C3orf49: variants seen among roughly 807,000 people sequenced by gnomAD.
C3orf49 encodes the protein putative uncharacterized protein C3orf49.
In C3orf49, 27 loss-of-function variants were observed where a neutral mutation model predicts 13.3. The observed-to-expected ratio is 2.02, with a 90% CI of 1.49 to 2.79. C3orf49 has a LOEUF of 2.79. C3orf49 is among the 30% of genes most tolerant of loss of function. C3orf49 has a pLI of 0.00. For synonymous variants in C3orf49, 87 were observed against 47.6 expected (o/e 1.83, Z -3.40); for missense variants, 242 against 134.2 (o/e 1.80, Z -3.97).
the C3orf49 span, among the ~76,000 whole-genome samples, chr3:63,797,721 G>A: frequency 6.6e-6 from 1 of 152,112 alleles, no homozygotes; most frequent in Non-Finnish European, 1.5e-5. Context: ...AGGCGTCCAA[G>A]AAAAGTTTTG....
Position 63,819,431 on chromosome 3 carries a change from A to G in C3orf49, c.-41A>G, listed in dbSNP as rs1701367007. 1.4e-6 allele frequency: 1 copy of G among 699,534 alleles called. No individual in the cohort carries two copies. The highest frequency in any genetic ancestry group is 1.5e-5 in the South Asian group (1 of 67,162). The allele number at this position is 699,534 out of a possible 1,614,324, so 43.3% of individuals were successfully genotyped here. A position where few individuals can be genotyped will look rare whatever the true frequency, so the allele number is the denominator to read the frequency against. On this transcript the variant is annotated 5_prime_UTR_variant, in exon 1 of 7. Transcript: ENST00000295896. ...ATTGAAGTCTGTAAGTTCAAGAACT[A>G]AAACAATCCAAAACGGCTACTACAG...
At chr3:63,843,457 G>A (rs1044005489) in intron 5 of C3orf49, among the ~76,000 whole-genome samples, 1 of 152,120 alleles carries the variant, frequency 6.6e-6, no homozygotes, top group African/African-American at 2.4e-5. Context: ...ACTACCATAT[G>A]ATCCAGCAAT....
At chr3:63,845,348 G>A (rs549779182) in intron 6 of C3orf49, among the ~76,000 whole-genome samples, 8 of 152,086 alleles carry the variant, frequency 5.3e-5, no homozygotes, top group Non-Finnish European at 8.8e-5. Flanking sequence ...ACATTGTTTC[G>A]GCTCCCACTC....
chr3:63,806,257 C>A, the C3orf49 span, among the ~76,000 whole-genome samples: 1 of 152,218 alleles, frequency 6.6e-6, no homozygotes, highest in Non-Finnish European at 1.5e-5. Flanking sequence ...CTGGTTGCCC[C>A]TGGCGCTAAC....
the C3orf49 span, among the ~76,000 whole-genome samples, chr3:63,808,965 T>TC: frequency 0.022 from 3,199 of 148,736 alleles, 64 homozygotes; most frequent in South Asian, 0.078. Context: ...ATTAATGTGC[T>TC]TTTTTTTTTC....
rs947463442 is a variant in C3orf49, at chr3:63,823,203, T to C, written c.126-47T>C. On this transcript the variant is annotated intron_variant, in intron 1 of 6. Coordinates refer to ENST00000295896, the MANE Select transcript of C3orf49 (RefSeq NM_001355236.2). The stretch of plus-strand genomic sequence containing the variant: ...GTTTTAATGATTTAAATTTTTCACT[T>C]TTAACTTTTCAGTTTCCCTAATATG... The C allele has an allele frequency of 2.3e-5, 14 of 618,334 alleles. No individual in the cohort carries two copies. In the African/African-American group the frequency reaches 2.6e-4, roughly 11 times the overall value. 38.3% of individuals were successfully genotyped at this position (618,334 alleles called of 1,614,324 possible).
chr3:63,830,706 G>T (rs888857227), intron 3 of C3orf49, among the ~76,000 whole-genome samples: 1 of 152,160 alleles, frequency 6.6e-6, no homozygotes, highest in African/African-American at 2.4e-5. Context: ...AAGGAAACCT[G>T]CAGAAACGAG....
rs1345835053 is a variant in C3orf49 at position 63,831,736 on chromosome 3, A to ATT, written c.741_742insTT (p.His248PhefsTer30). The ATT allele has an allele frequency of 5.7e-6, 4 of 703,088 alleles. No individual in the cohort carries two copies. Among genetic ancestry groups the ATT allele is most frequent in the Middle Eastern group, 4.6e-4 (2 of 4,370 alleles). The allele number at this position is 703,088 out of a possible 1,614,324, so 43.6% of individuals were successfully genotyped here. A position where few individuals can be genotyped will look rare whatever the true frequency, so the allele number is the denominator to read the frequency against. Reference sequence around the variant, plus strand: ...AATCCATGAAGCTACTGGCCCAAAGACATGCTGAGCTTCAACAGTGTGAGT... The same window carrying ATT: ...AATCCATGAAGCTACTGGCCCAAAGATTCATGCTGAGCTTCAACAGTGTGAGT... On this transcript the variant is annotated frameshift_variant, in exon 5 of 7. Coordinates refer to ENST00000295896, the MANE Select transcript of C3orf49 (RefSeq NM_001355236.2). LOFTEE classifies it high-confidence loss of function.
At chr3:63,835,427 G>C in intron 5 of C3orf49, 1 of 1,592,250 alleles carries the variant, frequency 6.3e-7, no homozygotes. Context: ...TTTGCTGAAT[G>C]GGGGAGAAGA....
chr3:63,840,349 G>T (rs1701730616), intron 5 of C3orf49, among the ~76,000 whole-genome samples: 1 of 152,082 alleles, frequency 6.6e-6, no homozygotes, highest in African/African-American at 2.4e-5. Context: ...TTTAAGGCTG[G>T]GTGGGGTGGC....
chr3:63,783,103 C>T, the C3orf49 span: 1 of 152,086 alleles, frequency 6.6e-6, no homozygotes, highest in African/African-American at 2.4e-5. Flanking sequence ...TCCCAATTTG[C>T]CCAGGACTGT....
intron 4 of C3orf49, 44 bp downstream of exon 4, chr3:63,831,267 G>C (rs1701528584): frequency 2.9e-6 from 2 of 693,144 alleles, no homozygotes. Context: ...AGAAGCATCA[G>C]AGAGCCAGGC....
chr3:63,842,453 G>A (rs1028069475), intron 5 of C3orf49, among the ~76,000 whole-genome samples: 10 of 152,122 alleles, frequency 6.6e-5, no homozygotes, highest in Admixed American at 6.5e-5. Context: ...CAACCTAAGT[G>A]TCCACTGATC....
At chr3:63,787,597 G>C in the C3orf49 span, among the ~76,000 whole-genome samples, 1 of 152,088 alleles carries the variant, frequency 6.6e-6, no homozygotes, top group Non-Finnish European at 1.5e-5. Context: ...TTTAGGGAAG[G>C]TTTGGAGATG....
At chr3:63,830,733 G>C (rs559311385) in intron 3 of C3orf49, among the ~76,000 whole-genome samples, 3 of 152,292 alleles carry the variant, frequency 2.0e-5, no homozygotes, top group African/African-American at 7.2e-5. Context: ...TTAACAACTA[G>C]ATCCACGATA....
chr3:63,830,477 C>CTAA (rs1231991380), intron 3 of C3orf49, among the ~76,000 whole-genome samples: 2 of 146,034 alleles, frequency 1.4e-5, no homozygotes, highest in East Asian at 4.1e-4. Flanking sequence ...AGTCCTAATG[C>CTAA]TAATTATTAA....
At chr3:63,794,511 T>C in the C3orf49 span, among the ~76,000 whole-genome samples, 3 of 151,998 alleles carry the variant, frequency 2.0e-5, no homozygotes, top group Non-Finnish European at 2.9e-5. Context: ...CTCTGCTTTT[T>C]AGGAAAATTC....
the C3orf49 span, among the ~76,000 whole-genome samples, chr3:63,804,264 T>A: frequency 6.6e-6 from 1 of 152,168 alleles, no homozygotes; most frequent in Non-Finnish European, 1.5e-5. Context: ...ACAATCAGCC[T>A]GCCTAAACTT....
the C3orf49 span, among the ~76,000 whole-genome samples, chr3:63,795,897 A>C: frequency 6.6e-6 from 1 of 152,132 alleles, no homozygotes; most frequent in Non-Finnish European, 1.5e-5. Context: ...CCAATTTGTC[A>C]AGTTTGTCAA....
Sources: gnomAD v4.1 joint callset for allele counts (sites outside exome capture counted in the v4.1 genomes callset) on GRCh38, gnomAD v4.1.1 for gene constraint, MANE v1.5 for transcripts, NCBI Gene and HGNC (gene_info 2026-07-23, HGNC 2026-07-21) for gene names.